The following IFT43 variants were observed in gnomAD, a reference collection of about 807,000 sequenced individuals.
IFT43 encodes the protein intraflagellar transport protein 43 homolog.
A neutral mutation model predicts 32.3 loss-of-function variants in IFT43; 33 were observed. The observed-to-expected ratio is 1.02, with a 90% CI of 0.77 to 1.37. IFT43 has a LOEUF of 1.37. Ranked by LOEUF, IFT43 falls within the 40% of genes most tolerant of loss-of-function variation. The pLI is 0.00. For missense variants in IFT43, 274 were observed against 265.9 expected (o/e 1.03, Z -0.21); for synonymous variants, 93 against 98.2 (o/e 0.95, Z 0.31).
chr14:76,048,335 G>A (rs183141152), intron 3 of IFT43, among the ~76,000 whole-genome samples: 1 of 152,204 alleles, frequency 6.6e-6, no homozygotes, highest in Admixed American at 6.5e-5. Context: ...TGTCCCCTGA[G>A]CCAGCCAGTC....
chr14:76,041,137 T>G (rs753042300), intron 3 of IFT43, among the ~76,000 whole-genome samples: 2 of 152,248 alleles, frequency 1.3e-5, no homozygotes, highest in Non-Finnish European at 2.9e-5. Context: ...TTGTTGTAAT[T>G]AAAACCAAGA....
intron 3 of IFT43, among the ~76,000 whole-genome samples, chr14:76,026,490 A>T (rs2036397235): frequency 6.7e-6 from 1 of 150,040 alleles, no homozygotes; most frequent in African/African-American, 2.5e-5. Context: ...CCTGGGAGGC[A>T]GAGGTTGCAG....
At chr14:75,999,245 A>AATATTCATT (rs1391873048) in intron 2 of IFT43, among the ~76,000 whole-genome samples, 13 of 23,142 alleles carry the variant, frequency 5.6e-4, no homozygotes, top group South Asian at 2.4e-3. Flanking sequence ...ATATATATAT[A>AATATTCATT]TATATATATA....
intron 2 of IFT43, among the ~76,000 whole-genome samples, chr14:76,005,367 A>G (rs1319005744): frequency 2.0e-5 from 3 of 152,174 alleles, no homozygotes; most frequent in African/African-American, 7.2e-5. Context: ...TACTCCTCAG[A>G]TGGCTCTTCG....
intron 2 of IFT43, among the ~76,000 whole-genome samples, chr14:75,997,921 C>A (rs752048863): frequency 6.6e-6 from 1 of 152,106 alleles, no homozygotes; most frequent in Non-Finnish European, 1.5e-5. Flanking sequence ...CGGTCAAACC[C>A]TTTAATGGAT....
At chr14:76,021,976 C>T (rs187108362) in intron 2 of IFT43, among the ~76,000 whole-genome samples, 8 of 152,304 alleles carry the variant, frequency 5.3e-5, no homozygotes, top group South Asian at 2.1e-4. Flanking sequence ...GTTGGTTGGG[C>T]GCGGTGGCTC....
intron 2 of IFT43, among the ~76,000 whole-genome samples, chr14:76,011,345 G>A (rs1246997885): frequency 6.6e-6 from 1 of 152,102 alleles, no homozygotes; most frequent in Admixed American, 6.6e-5. Flanking sequence ...CACCTGATTT[G>A]TAAACTGGAA....
chr14:76,069,186 G>A lies in IFT43; in HGVS notation c.295+9813G>A, dbSNP rs539186740. ...AGGGGGAGCAGGCACGTCACGTGGC[G>A]AAAGCAGGAGCAAGAGAGAGAGAGG... On this transcript the variant is annotated intron_variant, in intron 5 of 8. Transcript: ENST00000314067. Among the ~76,000 whole-genome samples, 69 of 152,284 alleles carry A rather than the reference G, an allele frequency of 4.5e-4. 1 individual carries two copies. The highest frequency in any genetic ancestry group is 6.8e-3 in the Middle Eastern group (2 of 294).
intron 1 of IFT43, among the ~76,000 whole-genome samples, chr14:75,986,862 C>T (rs1051774586): frequency 2.0e-5 from 3 of 152,144 alleles, no homozygotes; most frequent in Admixed American, 6.5e-5. Flanking sequence ...TTTTTAGTAC[C>T]TGGGGATGTG....
intron 5 of IFT43, among the ~76,000 whole-genome samples, chr14:76,078,003 G>C (rs2037440838): frequency 6.6e-6 from 1 of 152,174 alleles, no homozygotes; most frequent in African/African-American, 2.4e-5. Flanking sequence ...ATGCATTGTG[G>C]AGCAGTGTTC....
intron 5 of IFT43, among the ~76,000 whole-genome samples, chr14:76,073,358 C>A (rs1269688832): frequency 6.6e-6 from 1 of 152,136 alleles, no homozygotes; most frequent in Non-Finnish European, 1.5e-5. Flanking sequence ...CGTCACTTGG[C>A]CCTCAGTTGG....
At position 76,057,239 on chromosome 14, in the gene IFT43, A is replaced by AT. The variant is rs1465604763; in HGVS notation, c.216-1401dup. Among the ~76,000 whole-genome samples, 18 of 131,684 alleles carry AT rather than the reference A, an allele frequency of 1.4e-4. No homozygotes were observed. The East Asian group carries it at 2.0e-3, about 15-fold the overall frequency. 86.4% of individuals were successfully genotyped at this position (131,684 alleles called of 152,430 possible). A position where few individuals can be genotyped will look rare whatever the true frequency, so the allele number is the denominator to read the frequency against. On this transcript the variant is annotated intron_variant, in intron 3 of 8. Transcript: ENST00000314067. The stretch of plus-strand genomic sequence containing the variant: ...CATTTTAATTATTTTATTTTATATT[A>AT]TTATTTTTTTTGAGACGGAGTCTCA...
chr14:76,059,550 A>G (rs2037090693), intron 5 of IFT43, 177 bp downstream of exon 5: 3 of 662,006 alleles, frequency 4.5e-6, no homozygotes, highest in Non-Finnish European at 8.2e-6. Flanking sequence ...TACCTGGAGT[A>G]TCTCTCCCTT....
At chr14:76,076,831 A>G in intron 5 of IFT43, 4 of 902,582 alleles carry the variant, frequency 4.4e-6, no homozygotes, top group Non-Finnish European at 5.3e-6. Flanking sequence ...TTGCCCTCAC[A>G]TCCAACAGCT....
intron 3 of IFT43, among the ~76,000 whole-genome samples, chr14:76,036,127 A>G (rs1235793466): frequency 1.3e-5 from 2 of 152,130 alleles, no homozygotes; most frequent in Admixed American, 1.3e-4. Context: ...GATAATTTTT[A>G]TTAATTGATA....
intron 3 of IFT43, among the ~76,000 whole-genome samples, chr14:76,056,394 T>C (rs2037016057): frequency 6.6e-6 from 1 of 152,216 alleles, no homozygotes; most frequent in Non-Finnish European, 1.5e-5. Flanking sequence ...GGATGTGGGC[T>C]CAGCAGCAAT....
At chr14:76,023,741 A>C (rs558858013) in intron 3 of IFT43, among the ~76,000 whole-genome samples, 1 of 152,312 alleles carries the variant, frequency 6.6e-6, no homozygotes, top group South Asian at 2.1e-4. Context: ...CTTCATATGA[A>C]GGGTCGGTTT....
chr14:76,008,060 A>G (rs2036011824), intron 2 of IFT43, among the ~76,000 whole-genome samples: 1 of 152,166 alleles, frequency 6.6e-6, no homozygotes, highest in African/African-American at 2.4e-5. Context: ...TCTTTTTATT[A>G]TAGGTTATGT....
At chr14:76,046,714 T>C (rs935198336) in intron 3 of IFT43, among the ~76,000 whole-genome samples, 2 of 152,202 alleles carry the variant, frequency 1.3e-5, no homozygotes, top group Non-Finnish European at 2.9e-5. Context: ...AACAACTTTA[T>C]GAAGTAGAAT....
Sources: gnomAD v4.1 joint callset for allele counts (sites outside exome capture counted in the v4.1 genomes callset) on GRCh38, gnomAD v4.1.1 for gene constraint, MANE v1.5 for transcripts, NCBI Gene and HGNC (gene_info 2026-07-23, HGNC 2026-07-21) for gene names.